Variants in PTK2 observed in about 807,000 individuals in gnomAD.
The protein encoded by PTK2 is protein tyrosine kinase 2, also known as focal adhesion kinase 1.
PTK2 carries 45 observed loss-of-function variants against 150.1 expected under a neutral mutation model. That is an observed-to-expected ratio of 0.30 (90% CI 0.24 to 0.38). The LOEUF is 0.38. Ranked by LOEUF, PTK2 falls within the 10% of genes least tolerant of loss-of-function variation. The pLI is 1.00. For missense variants in PTK2, 919 were observed against 1,307.3 expected (o/e 0.70, Z 4.58); for synonymous variants, 432 against 449.2 (o/e 0.96, Z 0.48).
intron 1 of PTK2, among the ~76,000 whole-genome samples, chr8:140,954,531 CCATT>C (rs2100180569): frequency 6.6e-6 from 1 of 152,104 alleles, no homozygotes; most frequent in African/African-American, 2.4e-5. Context: ...ACGTTATTAA[CCATT>C]ATTATACTAC....
intron 1 of PTK2, among the ~76,000 whole-genome samples, chr8:140,952,504 T>A (rs1304581686): frequency 6.6e-6 from 1 of 152,074 alleles, no homozygotes; most frequent in South Asian, 2.1e-4. Context: ...CACTAACACC[T>A]AGAAATAGAT....
chr8:140,736,833 C>G (rs2154404306), intron 21 of PTK2, among the ~76,000 whole-genome samples: 1 of 152,290 alleles, frequency 6.6e-6, no homozygotes, highest in Non-Finnish European at 1.5e-5. Context: ...AAGTCTACTT[C>G]TATCACAAAA....
intron 10 of PTK2, among the ~76,000 whole-genome samples, 170 bp from the exon 11 acceptor site, chr8:140,803,820 T>C (rs1193206300): frequency 6.6e-6 from 1 of 152,220 alleles, no homozygotes; most frequent in Non-Finnish European, 1.5e-5. Context: ...GCCATGAGAC[T>C]GTCTCCTGCA....
In PTK2 at chr8:140,781,029, G is replaced by C. The variant is rs144434916; in HGVS notation, c.1177+8445C>G. Among the ~76,000 whole-genome samples the C allele has an allele frequency of 4.6e-3, 700 of 152,074 alleles. 3 individuals carry two copies. The highest frequency in any genetic ancestry group is 0.016 in the African/African-American group (659 of 41,480). On this transcript the variant is annotated intron_variant, in intron 14 of 31. Transcript: ENST00000522684. ...TACTTAATATTTATTCATTTCCATG[G>C]TCTCCTCTTTGTAAAGGCATCAAAA...
chr8:140,808,369 G>A (rs1187828990), intron 10 of PTK2, among the ~76,000 whole-genome samples: 4 of 152,176 alleles, frequency 2.6e-5, no homozygotes, highest in African/African-American at 9.7e-5. Flanking sequence ...GAAGTGCAGT[G>A]CAAGGAATCT....
At chr8:140,756,480 C>G (rs2100065814) in intron 16 of PTK2, among the ~76,000 whole-genome samples, 1 of 151,692 alleles carries the variant, frequency 6.6e-6, no homozygotes, top group Non-Finnish European at 1.5e-5. Context: ...GGCGGATCAC[C>G]TGAAGTCAGG....
chr8:140,877,613 G>A (rs1038765225), intron 4 of PTK2, among the ~76,000 whole-genome samples: 6 of 152,016 alleles, frequency 3.9e-5, no homozygotes, highest in African/African-American at 9.7e-5. Context: ...AGATGGCAGA[G>A]TCCCTGGCTC....
intron 14 of PTK2, among the ~76,000 whole-genome samples, chr8:140,769,128 T>C (rs979516853): frequency 2.6e-4 from 39 of 152,220 alleles, no homozygotes; most frequent in Non-Finnish European, 1.3e-4. Flanking sequence ...ATTGCTGATA[T>C]TTCCCTAATT....
chr8:140,683,808 C>T (rs2100018332), intron 27 of PTK2, among the ~76,000 whole-genome samples: 1 of 148,542 alleles, frequency 6.7e-6, no homozygotes, highest in Non-Finnish European at 1.5e-5. Flanking sequence ...TTCAACCTCA[C>T]TTCATGTTAA....
intron 23 of PTK2, among the ~76,000 whole-genome samples, chr8:140,711,520 T>C: frequency 6.6e-6 from 1 of 152,348 alleles, no homozygotes; most frequent in African/African-American, 2.4e-5. Flanking sequence ...TTTGTATAGT[T>C]TGTATAGATA....
intron 17 of PTK2, among the ~76,000 whole-genome samples, chr8:140,749,647 G>C (rs2100061549): frequency 6.6e-6 from 1 of 152,164 alleles, no homozygotes; most frequent in African/African-American, 2.4e-5. Flanking sequence ...TGAATACTTG[G>C]GACAGGGGCT....
At chr8:140,743,109 C>T in intron 20 of PTK2, 121 bp downstream of exon 23, 1 of 674,998 alleles carries the variant, frequency 1.5e-6, no homozygotes. Context: ...GCTGTCGCTT[C>T]CTCCATTTAG....
chr8:140,791,172 G>T (rs949869892), intron 13 of PTK2, among the ~76,000 whole-genome samples: 3 of 152,028 alleles, frequency 2.0e-5, no homozygotes, highest in African/African-American at 7.3e-5. Flanking sequence ...CTATGTGTGT[G>T]TGTGTCTGTG....
chr8:140,708,303 C>T (rs186802246), intron 23 of PTK2, among the ~76,000 whole-genome samples: 1 of 152,274 alleles, frequency 6.6e-6, no homozygotes, highest in Non-Finnish European at 1.5e-5. Context: ...TCATTTCCCC[C>T]TCAGTTTTGC....
intron 14 of PTK2, among the ~76,000 whole-genome samples, chr8:140,776,380 C>A (rs901790386): frequency 2.0e-5 from 3 of 152,176 alleles, no homozygotes; most frequent in African/African-American, 7.2e-5. Flanking sequence ...TACAAATCCA[C>A]TTGTAATTGC....
rs77361724 is a variant in PTK2, at chr8:140,884,874, T to G, written c.196-5237A>C. Among the ~76,000 whole-genome samples the G allele has an allele frequency of 5.5e-3, 842 of 152,312 alleles. 3 individuals carry two copies. The highest frequency in any genetic ancestry group is 0.01 in the Non-Finnish European group (687 of 68,026). On this transcript the variant is annotated intron_variant, in intron 3 of 31. Coordinates refer to ENST00000522684, the Ensembl canonical transcript of PTK2. The stretch of plus-strand genomic sequence containing the variant: ...CACACCTATATTTTAACAAACTACA[T>G]GAACTGATTTTTTTCCATTTACTAT...
chr8:140,973,100 T>C (rs909059252), intron 1 of PTK2, among the ~76,000 whole-genome samples: 2 of 152,216 alleles, frequency 1.3e-5, no homozygotes, highest in African/African-American at 4.8e-5. Flanking sequence ...ATCTTATATC[T>C]AGGAGCAATA....
intron 16 of PTK2, among the ~76,000 whole-genome samples, chr8:140,753,749 T>C (rs1338907481): frequency 6.6e-6 from 1 of 152,222 alleles, no homozygotes; most frequent in Non-Finnish European, 1.5e-5. Flanking sequence ...AATATTGTCA[T>C]TTACATAACT....
rs143843572 is a variant in PTK2, at chr8:140,770,715, C to T, written c.1178-6425G>A. On this transcript the variant is annotated intron_variant, in intron 14 of 31. Transcript: ENST00000522684. ...AGCCTGTGCAAATATGAGTGCAGTA[C>T]CCGTAGAAGGAGGATCATGGGAACA... The T allele has an allele frequency of 5.9e-4, 781 of 1,324,742 alleles. No individual in the cohort carries two copies. Among genetic ancestry groups the T allele is most frequent in the Admixed American group, 1.9e-3 (92 of 49,144 alleles). 82.1% of individuals were successfully genotyped at this position (1,324,742 alleles called of 1,614,324 possible).
Sources: gnomAD v4.1 joint callset for allele counts (sites outside exome capture counted in the v4.1 genomes callset) on GRCh38, gnomAD v4.1.1 for gene constraint, MANE v1.5 for transcripts, NCBI Gene and HGNC (gene_info 2026-07-23, HGNC 2026-07-21) for gene names.